The following PKIB variants were observed in gnomAD, a reference collection of about 807,000 sequenced individuals.
The protein encoded by PKIB is cAMP-dependent protein kinase inhibitor beta, also known as PKI-beta.
Under a neutral mutation model 4.5 loss-of-function variants are expected in PKIB, and 2 were observed. That is an observed-to-expected ratio of 0.44 (90% CI 0.18 to 1.39). The LOEUF (loss-of-function observed/expected upper bound fraction) is 1.39, where lower values mean the gene tolerates loss of function less well. Ranked by LOEUF, PKIB falls within the 40% of genes most tolerant of loss-of-function variation. The probability of loss-of-function intolerance (pLI) is 0.27; values close to 1 mark genes in which losing one functional copy is unlikely to be tolerated. For synonymous variants in PKIB, 38 were observed against 36.0 expected (o/e 1.06, Z -0.20); for missense variants, 94 against 92.6 (o/e 1.02, Z -0.06).
chr6:122,717,789 G>A lies in PKIB; in HGVS notation c.-6G>A, dbSNP rs779165919. 6.2e-7 allele frequency: 1 copy of A among 1,613,734 alleles called. No homozygotes were observed. Among genetic ancestry groups the A allele is most frequent in the South Asian group, 1.1e-5 (1 of 91,054 alleles). ...TCATATGCACATTCTATTTGTAGATGTTGCTATGAGGACAGATTCATCAAA... is the reference window on the plus strand; with the variant it reads ...TCATATGCACATTCTATTTGTAGATATTGCTATGAGGACAGATTCATCAAA... On this transcript the variant is annotated splice_region_variant and 5_prime_UTR_variant, in exon 4 of 5. It removes an upstream start codon present in the reference 5' UTR. Coordinates refer to ENST00000368452, the MANE Select transcript of PKIB (RefSeq NM_181795.3).
At chr6:122,479,615 C>A (rs1775548039) in intron 2 of PKIB, 1 of 152,120 alleles carries the variant, frequency 6.6e-6, no homozygotes, top group South Asian at 2.1e-4. Flanking sequence ...TAATATAATG[C>A]TAAGATTAAG....
chr6:122,665,478 G>A (rs950049473), intron 2 of PKIB, among the ~76,000 whole-genome samples: 1 of 152,150 alleles, frequency 6.6e-6, no homozygotes, highest in Non-Finnish European at 1.5e-5. Flanking sequence ...TTCTGAATAA[G>A]ATCCTTCTAA....
In PKIB at chr6:122,576,710, A is replaced by ATTT. The variant is rs761840714; in HGVS notation, c.-247-9209_-247-9207dup. Among the ~76,000 whole-genome samples the ATTT allele has an allele frequency of 4.5e-4, 49 of 109,990 alleles. 1 individual carries two copies. The highest frequency in any genetic ancestry group is 1.7e-3 in the African/African-American group (42 of 25,284). The allele number at this position is 109,990 out of a possible 152,430, so 72.2% of individuals were successfully genotyped here. A position where few individuals can be genotyped will look rare whatever the true frequency, so the allele number is the denominator to read the frequency against. Reference sequence around the variant, plus strand: ...AAAAAATATATATATATATATATATATTTTCTTTTGTATAATTATACCTCA... The same window carrying ATTT: ...AAAAAATATATATATATATATATATATTTTTTTCTTTTGTATAATTATACCTCA... On this transcript the variant is annotated intron_variant, in intron 2 of 6. Transcript: ENST00000392491.
At chr6:122,477,584 T>C (rs2114509920) in intron 1 of PKIB, among the ~76,000 whole-genome samples, 1 of 152,324 alleles carries the variant, frequency 6.6e-6, no homozygotes, top group Non-Finnish European at 1.5e-5. Context: ...TCCTGATTTC[T>C]TTTTTATTCA....
At chr6:122,600,644 T>C (rs926056409) in intron 3 of PKIB, among the ~76,000 whole-genome samples, 7 of 152,124 alleles carry the variant, frequency 4.6e-5, no homozygotes, top group African/African-American at 1.7e-4. Context: ...CAAAACTTAA[T>C]AGACAGACTC....
At chr6:122,568,732 C>T (rs1773267244) in intron 2 of PKIB, among the ~76,000 whole-genome samples, 2 of 152,160 alleles carry the variant, frequency 1.3e-5, no homozygotes, top group Non-Finnish European at 2.9e-5. Context: ...TTGACCAGAA[C>T]CCAGGGTTGG....
intron 2 of PKIB, among the ~76,000 whole-genome samples, chr6:122,669,624 T>C (rs895750165): frequency 1.3e-5 from 2 of 152,166 alleles, no homozygotes; most frequent in Admixed American, 1.3e-4. Context: ...ATTTCTATTT[T>C]CAAATTTTTC....
At chr6:122,696,045 CT>C (rs1464736442) in intron 3 of PKIB, among the ~76,000 whole-genome samples, 2 of 152,132 alleles carry the variant, frequency 1.3e-5, no homozygotes, top group Non-Finnish European at 2.9e-5. Context: ...CTCCTTTATA[CT>C]TGCTTTAATA....
At chr6:122,589,011 T>C (rs773014201) in intron 3 of PKIB, among the ~76,000 whole-genome samples, 4 of 152,106 alleles carry the variant, frequency 2.6e-5, no homozygotes, top group Non-Finnish European at 5.9e-5. Context: ...ATTGAAGAGG[T>C]TGTTATTTTA....
chr6:122,507,390 G>A (rs914792239), intron 2 of PKIB, among the ~76,000 whole-genome samples: 3 of 152,156 alleles, frequency 2.0e-5, no homozygotes, highest in African/African-American at 4.8e-5. Flanking sequence ...AGGCAGAAAT[G>A]GGACATATAT....
rs1004656209 is a variant in PKIB at position 122,486,893 on chromosome 6, C to T, written c.-248+8954C>T. ...ATGAAGAATTCCATCTACCCTTTAT[C>T]CCAATTCCCCAAATGTTAACCTTTT... is the stretch of plus-strand genomic sequence containing the variant. On this transcript the variant is annotated intron_variant, in intron 2 of 6. Transcript: ENST00000392491. Among the ~76,000 whole-genome samples, 5 of 152,074 alleles carry T rather than the reference C, an allele frequency of 3.3e-5. No individual in the cohort carries two copies. In the East Asian group the frequency reaches 9.6e-4, roughly 29 times the overall value.
At chr6:122,619,795 G>C (rs1439854655) in intron 1 of PKIB, among the ~76,000 whole-genome samples, 1 of 151,878 alleles carries the variant, frequency 6.6e-6, no homozygotes, top group Non-Finnish European at 1.5e-5. Flanking sequence ...TTTTCTCTTT[G>C]TGTTGAAACT....
chr6:122,667,690 GTTAC>G (rs1440916348), intron 2 of PKIB, among the ~76,000 whole-genome samples: 1 of 152,148 alleles, frequency 6.6e-6, no homozygotes, highest in Non-Finnish European at 1.5e-5. Flanking sequence ...AAAATTAAAA[GTTAC>G]TTCTTTTATT....
At chr6:122,497,026 C>G (rs934146543) in intron 2 of PKIB, among the ~76,000 whole-genome samples, 18 of 152,304 alleles carry the variant, frequency 1.2e-4, no homozygotes, top group African/African-American at 4.3e-4. Context: ...AAAAGCAGAC[C>G]TTTCAGCAGA....
At chr6:122,487,222 G>A (rs1775792354) in intron 2 of PKIB, among the ~76,000 whole-genome samples, 1 of 152,124 alleles carries the variant, frequency 6.6e-6, no homozygotes, top group Non-Finnish European at 1.5e-5. Context: ...GTTGCATTTA[G>A]TTGTCATGTC....
intron 2 of PKIB, among the ~76,000 whole-genome samples, chr6:122,645,676 T>C (rs1776280779): frequency 6.6e-6 from 1 of 152,162 alleles, no homozygotes; most frequent in Non-Finnish European, 1.5e-5. Context: ...AGGCCAATCT[T>C]GGAGGGAGTA....
At chr6:122,618,449 C>T (rs1421787743) in intron 1 of PKIB, among the ~76,000 whole-genome samples, 2 of 151,900 alleles carry the variant, frequency 1.3e-5, no homozygotes, top group Non-Finnish European at 2.9e-5. Flanking sequence ...CAAGTCCTAA[C>T]CTTTAACATT....
At chr6:122,643,030 G>A (rs1776180652) in intron 2 of PKIB, among the ~76,000 whole-genome samples, 1 of 152,108 alleles carries the variant, frequency 6.6e-6, no homozygotes, top group Admixed American at 6.6e-5. Context: ...TGGTAGGGGA[G>A]AGAACAAGCA....
chr6:122,615,700 G>C (rs1774952921), intron 1 of PKIB, among the ~76,000 whole-genome samples: 1 of 152,130 alleles, frequency 6.6e-6, no homozygotes, highest in South Asian at 2.1e-4. Flanking sequence ...TTCCTTATAA[G>C]AAGAGGCAAG....
Sources: gnomAD v4.1 joint callset for allele counts (sites outside exome capture counted in the v4.1 genomes callset) on GRCh38, gnomAD v4.1.1 for gene constraint, MANE v1.5 for transcripts, NCBI Gene and HGNC (gene_info 2026-07-23, HGNC 2026-07-21) for gene names.